STXBP6: variants seen among roughly 807,000 people sequenced by gnomAD.
STXBP6 encodes syntaxin binding protein 6.
A neutral mutation model predicts 26.9 loss-of-function variants in STXBP6; 21 were observed. The observed-to-expected ratio is 0.78, with a 90% confidence interval of 0.55 to 1.12. The LOEUF (loss-of-function observed/expected upper bound fraction) is 1.12, where lower values mean the gene tolerates loss of function less well. Among genes scored for constraint, STXBP6 ranks in the 50% most tolerant of loss-of-function variants. The pLI is 0.00. For synonymous variants in STXBP6, 97 were observed against 92.6 expected (o/e 1.05, Z -0.27); for missense variants, 232 against 257.9 (o/e 0.90, Z 0.69).
chr14:24,841,600 C>T (rs1271115348), intron 4 of STXBP6, among the ~76,000 whole-genome samples: 1 of 152,136 alleles, frequency 6.6e-6, no homozygotes. Flanking sequence ...CCTTTATATT[C>T]TTCATTGCTG....
At chr14:24,913,962 T>C (rs1487770520) in intron 2 of STXBP6, among the ~76,000 whole-genome samples, 1 of 152,190 alleles carries the variant, frequency 6.6e-6, no homozygotes, top group Non-Finnish European at 1.5e-5. Context: ...TTGTTTTAGA[T>C]GTCAATGTGT....
intron 5 of STXBP6, 63 bp from the exon 6 acceptor site, chr14:24,812,795 A>C (rs915399775): frequency 5.7e-5 from 86 of 1,511,648 alleles, no homozygotes; most frequent in Middle Eastern, 1.7e-4. Flanking sequence ...GAGAGATTTC[A>C]CTGTGCTGCT....
intron 2 of STXBP6, among the ~76,000 whole-genome samples, chr14:24,924,096 G>T (rs2072077738): frequency 6.6e-6 from 1 of 151,890 alleles, no homozygotes; most frequent in South Asian, 2.1e-4. Context: ...TGTACATGGT[G>T]TGAGCTAGAG....
At chr14:24,932,174 C>T (rs562871506) in intron 2 of STXBP6, among the ~76,000 whole-genome samples, 52 of 152,144 alleles carry the variant, frequency 3.4e-4, no homozygotes, top group Non-Finnish European at 7.1e-4. Context: ...TTTGGGAGGC[C>T]AAGGCGGGCA....
rs55810129 is a variant in STXBP6, at chr14:24,918,452, C to CCACACACACACACA, written c.154+56199_154+56212dup. 1.2e-3 allele frequency among the ~76,000 whole-genome samples: 159 copies of CCACACACACACACA among 133,470 alleles called. 3 individuals carry two copies. Among genetic ancestry groups the CCACACACACACACA allele is most frequent in the East Asian group, 0.011 (48 of 4,296 alleles). 87.6% of individuals were successfully genotyped at this position (133,470 alleles called of 152,430 possible). On this transcript the variant is annotated intron_variant, in intron 2 of 5. Coordinates refer to ENST00000323944, the MANE Select transcript of STXBP6 (RefSeq NM_001394410.1). ...TTATTTCTTAAAAACCACACCCCCACCACACACACACACACACACACACAC... is the reference window on the plus strand; with the variant it reads ...TTATTTCTTAAAAACCACACCCCCACCACACACACACACACACACACACACACACACACACACAC...
intron 1 of STXBP6, among the ~76,000 whole-genome samples, chr14:24,986,841 A>G (rs1222748662): frequency 6.6e-6 from 1 of 152,172 alleles, no homozygotes; most frequent in Non-Finnish European, 1.5e-5. Flanking sequence ...CAATGGTGAA[A>G]TCTCCATGTG....
intron 2 of STXBP6, among the ~76,000 whole-genome samples, chr14:24,893,151 T>C (rs2070853936): frequency 6.6e-6 from 1 of 152,230 alleles, no homozygotes; most frequent in African/African-American, 2.4e-5. Flanking sequence ...CTAAAAATTA[T>C]TGATTTTGAT....
intron 1 of STXBP6, among the ~76,000 whole-genome samples, chr14:25,044,909 G>A (rs948125823): frequency 2.6e-5 from 4 of 152,188 alleles, no homozygotes; most frequent in Non-Finnish European, 2.9e-5. Context: ...CTATCAAAGA[G>A]TGCTACCCAC....
chr14:24,809,602 G>C lies in STXBP6; in HGVS notation c.*3107C>G, dbSNP rs530773546. 2 of 152,268 alleles carry C rather than the reference G, an allele frequency of 1.3e-5. No homozygotes were observed. Among genetic ancestry groups the C allele is most frequent in the African/African-American group, 4.8e-5 (2 of 41,574 alleles). The allele number at this position is 152,268 out of a possible 1,614,324, so 9.4% of individuals were successfully genotyped here. On this transcript the variant is annotated 3_prime_UTR_variant, in exon 6 of 6. Coordinates refer to ENST00000323944, the MANE Select transcript of STXBP6 (RefSeq NM_001394410.1). ...ATTAGCATAAAAAATGTGGTGACAT[G>C]TACTTATTTGGTAGTGTTTTATAGA...
At chr14:24,990,179 G>A (rs183619708) in intron 1 of STXBP6, among the ~76,000 whole-genome samples, 5 of 152,282 alleles carry the variant, frequency 3.3e-5, no homozygotes, top group Admixed American at 2.0e-4. Flanking sequence ...GAGCCAGGCC[G>A]GGGAAGGGTC....
chr14:24,818,914 A>T, intron 5 of STXBP6, 123 bp downstream of exon 5: 1 of 1,309,328 alleles, frequency 7.6e-7, no homozygotes, highest in Non-Finnish European at 1.0e-6. Context: ...GATGGGAATT[A>T]CATAAAGGGG....
intron 1 of STXBP6, among the ~76,000 whole-genome samples, chr14:25,011,727 T>C (rs1348312539): frequency 6.6e-6 from 1 of 152,174 alleles, no homozygotes; most frequent in Non-Finnish European, 1.5e-5. Context: ...AATTGCAGCA[T>C]GTTTTCTTGC....
At chr14:24,812,872 A>AC (rs1201516340) in intron 5 of STXBP6, 140 bp from the exon 6 acceptor site, 2 of 769,064 alleles carry the variant, frequency 2.6e-6, no homozygotes, top group African/African-American at 1.7e-5. Context: ...CACCGTTACT[A>AC]ATTACAGTAG....
At chr14:25,048,062 GGATA>G (rs2075752235) in intron 1 of STXBP6, among the ~76,000 whole-genome samples, 1 of 152,150 alleles carries the variant, frequency 6.6e-6, no homozygotes, top group Non-Finnish European at 1.5e-5. Flanking sequence ...ATGGATTTGA[GGATA>G]GAGAAAGAAA....
intron 2 of STXBP6, among the ~76,000 whole-genome samples, chr14:24,938,037 G>T (rs1031986647): frequency 1.3e-5 from 2 of 152,200 alleles, no homozygotes; most frequent in Non-Finnish European, 2.9e-5. Context: ...ATATGGGGAA[G>T]AAAACCATTC....
Position 24,839,585 on chromosome 14 carries a change from A to G in STXBP6, c.451+16351T>C, listed in dbSNP as rs976403175. ...TGAGGTGACTGTCCCTAAAAACCCA[A>G]AAAGTATGGTAATCTTGTATATTGT... On this transcript the variant is annotated intron_variant, in intron 4 of 5. Transcript: ENST00000323944. Among the ~76,000 whole-genome samples the G allele has an allele frequency of 5.3e-5, 8 of 152,280 alleles. 2 individuals carry two copies. Among genetic ancestry groups the G allele is most frequent in the Admixed American group, 3.9e-4 (6 of 15,296 alleles).
At chr14:25,022,638 A>G (rs748134939) in intron 1 of STXBP6, among the ~76,000 whole-genome samples, 4 of 152,212 alleles carry the variant, frequency 2.6e-5, no homozygotes, top group Non-Finnish European at 5.9e-5. Flanking sequence ...AACTCATTCA[A>G]ATATTTTAAA....
At chr14:25,036,000 C>T (rs558911803) in intron 1 of STXBP6, among the ~76,000 whole-genome samples, 10 of 151,908 alleles carry the variant, frequency 6.6e-5, no homozygotes, top group African/African-American at 2.4e-4. Context: ...GGTGGATCAC[C>T]TGAGGTCAGG....
intron 2 of STXBP6, among the ~76,000 whole-genome samples, chr14:24,870,714 T>G (rs1338796119): frequency 6.6e-6 from 1 of 152,172 alleles, no homozygotes; most frequent in African/African-American, 2.4e-5. Flanking sequence ...TGGTCTCCAG[T>G]TTTCTTCATG....
Sources: gnomAD v4.1 joint callset for allele counts (sites outside exome capture counted in the v4.1 genomes callset) on GRCh38, gnomAD v4.1.1 for gene constraint, MANE v1.5 for transcripts, NCBI Gene and HGNC (gene_info 2026-07-23, HGNC 2026-07-21) for gene names.